BICD1: variants seen among roughly 807,000 people sequenced by gnomAD.
The protein encoded by BICD1 is protein bicaudal D homolog 1.
A neutral mutation model predicts 92.5 loss-of-function variants in BICD1; 35 were observed. The ratio of observed to expected loss-of-function variants is 0.38; its 90% CI spans 0.29 to 0.50. The LOEUF (loss-of-function observed/expected upper bound fraction) is 0.50, where lower values mean the gene tolerates loss of function less well. Among genes scored for constraint, BICD1 ranks in the 20% least tolerant of loss-of-function variants. The pLI is 0.93. For missense variants in BICD1, 950 were observed against 1,189.8 expected (o/e 0.80, Z 2.97); for synonymous variants, 429 against 465.1 (o/e 0.92, Z 1.00).
intron 9 of BICD1, among the ~76,000 whole-genome samples, chr12:32,374,038 ACT>A (rs1247074446): frequency 2.0e-5 from 3 of 150,120 alleles, no homozygotes; most frequent in Non-Finnish European, 3.0e-5. Context: ...ACATGGTGAA[ACT>A]CTGTCTCTAC....
At chr12:32,289,835 G>A (rs1486667444) in intron 2 of BICD1, among the ~76,000 whole-genome samples, 2 of 152,198 alleles carry the variant, frequency 1.3e-5, no homozygotes, top group African/African-American at 2.4e-5. Context: ...AGAAACAGAA[G>A]CCCATTTTTT....
At chr12:32,168,005 GGCGTGT>G (rs1032238434) in intron 1 of BICD1, among the ~76,000 whole-genome samples, 2 of 89,050 alleles carry the variant, frequency 2.2e-5, no homozygotes, top group African/African-American at 7.0e-5. Context: ...AAAAGGAGAT[GGCGTGT>G]GTGTGTGTGT....
At chr12:32,147,965 C>T (rs1044292696) in intron 1 of BICD1, among the ~76,000 whole-genome samples, 1 of 150,962 alleles carries the variant, frequency 6.6e-6, no homozygotes, top group African/African-American at 2.4e-5. Context: ...ATAGGGAGAC[C>T]CCCCATCTCT....
chr12:32,377,455 G>A, intron 9 of BICD1, 85 bp from the exon 10 acceptor site: 1 of 1,065,334 alleles, frequency 9.4e-7, no homozygotes, highest in Non-Finnish European at 1.5e-6. Flanking sequence ...CAAAATCTAT[G>A]CAAAAATATC....
At chr12:32,207,550 C>T (rs1945095976) in intron 1 of BICD1, among the ~76,000 whole-genome samples, 1 of 151,940 alleles carries the variant, frequency 6.6e-6, no homozygotes, top group Non-Finnish European at 1.5e-5. Flanking sequence ...AAATGCATGT[C>T]TTTTGTTTTT....
intron 1 of BICD1, among the ~76,000 whole-genome samples, chr12:32,169,645 C>T (rs1943876525): frequency 6.6e-6 from 1 of 152,110 alleles, no homozygotes; most frequent in Admixed American, 6.5e-5. Context: ...CTCTGCTAAC[C>T]ACACTTTGAA....
intron 1 of BICD1, among the ~76,000 whole-genome samples, chr12:32,214,549 C>T (rs972505750): frequency 6.6e-5 from 10 of 152,022 alleles, no homozygotes; most frequent in African/African-American, 2.4e-4. Context: ...GCTTTTTCTC[C>T]AACAGTTAGA....
intron 2 of BICD1, among the ~76,000 whole-genome samples, chr12:32,289,662 C>T (rs11051910): frequency 0.024 from 3,700 of 152,282 alleles, 147 homozygotes; most frequent in African/African-American, 0.083. Flanking sequence ...GGATTACAGG[C>T]GTAAGCCACC....
In BICD1 at chr12:32,380,109, T is replaced by C. The variant is rs1413765057; in HGVS notation, c.*2482T>C. The stretch of plus-strand genomic sequence containing the variant: ...TTAGTGAATCTTTGCCAAGAAGTTA[T>C]AGAAACTTGGAAATAAATTTCTCAT... On this transcript the variant is annotated 3_prime_UTR_variant, in exon 10 of 10. Transcript: ENST00000652176. 6.6e-6 allele frequency: 1 copy of C among 152,232 alleles called. No homozygotes were observed. Among genetic ancestry groups the C allele is most frequent in the African/African-American group, 2.4e-5 (1 of 41,462 alleles). 9.4% of individuals were successfully genotyped at this position (152,232 alleles called of 1,614,324 possible).
rs1940152372 is a variant in BICD1, at chr12:32,380,860, A to C, written c.*3233A>C. On this transcript the variant is annotated 3_prime_UTR_variant, in exon 10 of 10. Coordinates refer to ENST00000652176, the MANE Select transcript of BICD1 (RefSeq NM_001714.4). Reference sequence around the variant, plus strand: ...TTAACAAATGATAGATATCAGCTATAGATATTGTTACTAAGTCTAGAATAA... The same window carrying C: ...TTAACAAATGATAGATATCAGCTATCGATATTGTTACTAAGTCTAGAATAA... 6.6e-6 allele frequency: 1 copy of C among 152,174 alleles called. No individual in the cohort carries two copies. Among genetic ancestry groups the C allele is most frequent in the Non-Finnish European group, 1.5e-5 (1 of 67,988 alleles). 9.4% of individuals were successfully genotyped at this position (152,174 alleles called of 1,614,324 possible). A position where few individuals can be genotyped will look rare whatever the true frequency, so the allele number is the denominator to read the frequency against.
rs1565603978 is a variant in BICD1 at position 32,230,447 on chromosome 12, C to CATAAATAAAT, written c.426+13989_426+13990insTAAATAAATA. ...ATAAATAAATAAATAAATAAATAAG[C>CATAAATAAAT]AAGCAAATAAATAAATAGGAATTCA... On this transcript the variant is annotated intron_variant, in intron 2 of 9. Transcript: ENST00000652176. 2.1e-3 allele frequency among the ~76,000 whole-genome samples: 54 copies of CATAAATAAAT among 25,760 alleles called. 1 individual carries two copies. The Admixed American group carries it at 0.021, about 10-fold the overall frequency. The allele number at this position is 25,760 out of a possible 152,430, so 16.9% of individuals were successfully genotyped here.
intron 2 of BICD1, among the ~76,000 whole-genome samples, chr12:32,235,939 G>A (rs1275673879): frequency 6.9e-6 from 1 of 145,806 alleles, no homozygotes; most frequent in Non-Finnish European, 1.5e-5. Flanking sequence ...TTGACCTCGT[G>A]ATCTGCCCTC....
At chr12:32,264,200 C>T (rs979234556) in intron 2 of BICD1, among the ~76,000 whole-genome samples, 2 of 152,164 alleles carry the variant, frequency 1.3e-5, no homozygotes, top group Non-Finnish European at 2.9e-5. Context: ...ATACTTAGAA[C>T]ATTACTTGCA....
At chr12:32,145,845 T>A (rs1943084984) in intron 1 of BICD1, among the ~76,000 whole-genome samples, 1 of 152,240 alleles carries the variant, frequency 6.6e-6, no homozygotes, top group Non-Finnish European at 1.5e-5. Context: ...CTAATTCTTG[T>A]ACATAAATAA....
At chr12:32,199,613 G>A (rs980060652) in intron 1 of BICD1, among the ~76,000 whole-genome samples, 24 of 152,196 alleles carry the variant, frequency 1.6e-4, no homozygotes, top group Non-Finnish European at 3.1e-4. Flanking sequence ...CTACGTGTAA[G>A]TGTGCATTCA....
In BICD1 at chr12:32,151,985, C is replaced by T. The variant is rs188383117; in HGVS notation, c.213+44441C>T. Among the ~76,000 whole-genome samples, 3 of 152,240 alleles carry T rather than the reference C, an allele frequency of 2.0e-5. No individual in the cohort carries two copies. The East Asian group carries it at 5.8e-4, about 29-fold the overall frequency. On this transcript the variant is annotated intron_variant, in intron 1 of 9. Transcript: ENST00000652176. ...TTGTTTTTGTTTTTTGAGACAGAGT[C>T]TCGCTGTGTCTCCCAGGCTGGAGTG...
intron 1 of BICD1, among the ~76,000 whole-genome samples, chr12:32,133,187 A>G (rs1413546792): frequency 1.3e-5 from 2 of 152,086 alleles, no homozygotes; most frequent in Non-Finnish European, 2.9e-5. Flanking sequence ...CTGAAAAATA[A>G]TTTTAAGATG....
chr12:32,147,829 T>C (rs1943160432), intron 1 of BICD1, among the ~76,000 whole-genome samples: 1 of 152,070 alleles, frequency 6.6e-6, no homozygotes, highest in Non-Finnish European at 1.5e-5. Flanking sequence ...TTAAGAAAAG[T>C]ATTCGTATCT....
At chr12:32,154,819 C>A (rs1232092482) in intron 1 of BICD1, among the ~76,000 whole-genome samples, 2 of 152,142 alleles carry the variant, frequency 1.3e-5, no homozygotes, top group Admixed American at 6.5e-5. Context: ...TCTAGCATAG[C>A]CTGGTACTCA....
Sources: gnomAD v4.1 joint callset for allele counts (sites outside exome capture counted in the v4.1 genomes callset) on GRCh38, gnomAD v4.1.1 for gene constraint, MANE v1.5 for transcripts, NCBI Gene and HGNC (gene_info 2026-07-23, HGNC 2026-07-21) for gene names.